Variants in FRYL observed in about 807,000 individuals in gnomAD.
The protein encoded by FRYL is FRY like transcription coactivator.
FRYL carries 150 observed loss-of-function variants against 351.2 expected under a neutral mutation model. The ratio of observed to expected loss-of-function variants is 0.43; its 90% confidence interval spans 0.37 to 0.49. FRYL has a LOEUF of 0.49. FRYL is among the 20% of genes least tolerant of loss of function. FRYL has a pLI of 0.00. For missense variants in FRYL, 3,036 were observed against 3,619.3 expected, an observed-to-expected ratio of 0.84 and a Z score of 4.13; for synonymous variants, 1,153 against 1,257.1, an observed-to-expected ratio of 0.92 and a Z score of 1.75.
At chr4:48,547,795 A>G (rs1253792485) in intron 40 of FRYL, 26 bp from the exon 41 acceptor site, 1 of 1,356,942 alleles carries the variant, frequency 7.4e-7, no homozygotes, top group Non-Finnish European at 9.7e-7. Context: ...GAGAAACATT[A>G]TCAATAAAGA....
intron 3 of FRYL, among the ~76,000 whole-genome samples, chr4:48,640,234 T>G (rs1335230448): frequency 6.6e-6 from 1 of 152,202 alleles, no homozygotes; most frequent in Non-Finnish European, 1.5e-5. Flanking sequence ...TATTCATAAT[T>G]GTTAAAACTT....
chr4:48,774,008 T>TA (rs1254781000), intron 1 of FRYL, among the ~76,000 whole-genome samples: 1 of 152,218 alleles, frequency 6.6e-6, no homozygotes, highest in Non-Finnish European at 1.5e-5. Context: ...TTACAGTACT[T>TA]ACACACATTG....
chr4:48,710,301 G>A (rs1245246422), intron 2 of FRYL, among the ~76,000 whole-genome samples: 4 of 152,166 alleles, frequency 2.6e-5, no homozygotes, highest in East Asian at 1.9e-4. Context: ...CACATAAAGT[G>A]CACAGGCATA....
intron 22 of FRYL, among the ~76,000 whole-genome samples, chr4:48,579,789 T>C (rs1176558017): frequency 2.0e-5 from 3 of 152,194 alleles, no homozygotes; most frequent in African/African-American, 7.2e-5. Flanking sequence ...GAATAATTCA[T>C]AATTTATGGT....
chr4:48,581,741 T>C (rs1278105570), intron 20 of FRYL, 136 bp from the exon 21 acceptor site: 4 of 655,390 alleles, frequency 6.1e-6, no homozygotes, highest in Non-Finnish European at 1.0e-5. Context: ...GTAAATCGCA[T>C]GTATTTTATA....
chr4:48,593,654 G>A (rs942877324), intron 16 of FRYL, among the ~76,000 whole-genome samples: 24 of 152,108 alleles, frequency 1.6e-4, no homozygotes, highest in Non-Finnish European at 2.8e-4. Flanking sequence ...ATGAGCCACC[G>A]TGCCCGGCCT....
intron 4 of FRYL, among the ~76,000 whole-genome samples, chr4:48,632,477 A>T (rs1753421763): frequency 6.6e-6 from 1 of 150,680 alleles, no homozygotes; most frequent in African/African-American, 2.4e-5. Context: ...TCTATAATCA[A>T]ATCTTATAAT....
rs375943517 is a variant in FRYL at position 48,576,050 on chromosome 4, C to T, written c.2701G>A (p.Gly901Ser). 3.5e-5 allele frequency: 56 copies of T among 1,609,092 alleles called. No homozygotes were observed. The highest frequency in any genetic ancestry group is 1.7e-4 in the Middle Eastern group (1 of 6,046). The change falls in exon 24 of 64, where the codon GGC (glycine) becomes AGC (serine). Residue 901 changes from glycine to serine, a missense_variant. Physicochemically the swap from Gly to Ser is moderately conservative, Grantham distance 56 (BLOSUM62 0). Transcript: ENST00000358350. The stretch of plus-strand genomic sequence containing the variant: ...CTTACTTTAGAATCAATGCTATAGC[C>T]GCTATCTGGGGTAGACGCCAGCGTC... Reference protein sequence around the residue: ...PETLASTPDSGYSIDSKIIGI... With the variant: ...PETLASTPDSSYSIDSKIIGI...
chr4:48,671,288 T>G (rs1183596209), intron 3 of FRYL, among the ~76,000 whole-genome samples: 2 of 152,200 alleles, frequency 1.3e-5, no homozygotes, highest in Admixed American at 1.3e-4. Context: ...ATAGTACTGT[T>G]GCACGAACTT....
chr4:48,528,157 T>G lies in FRYL; in HGVS notation c.7065+18A>C. 1 of 1,607,138 alleles carries G rather than the reference T, an allele frequency of 6.2e-7. No individual in the cohort carries two copies. Among genetic ancestry groups the G allele is most frequent in the Non-Finnish European group, 8.5e-7 (1 of 1,175,698 alleles). On this transcript the variant is annotated intron_variant, in intron 51 of 63. Coordinates refer to ENST00000358350, the MANE Select transcript of FRYL (RefSeq NM_015030.2). Reference sequence around the variant, plus strand: ...TCTTCTGTTCTATGAATGTTCCATTTTGATATTCTTTATGTACCTGTGATA... The same window carrying G: ...TCTTCTGTTCTATGAATGTTCCATTGTGATATTCTTTATGTACCTGTGATA...
Position 48,620,660 on chromosome 4 carries a change from C to T in FRYL, c.293G>A (p.Arg98Gln), listed in dbSNP as rs578019064. ...TTACCCCTTAGACTTTGTGCTAGAC[C>T]GAGGCCTATATTCATAAGATTCATC... ...TEDESYEYRP[R>Q]SSTKSKGDEQ... is the part of the protein sequence containing the mutation. Residue 98 changes from arginine (R) to glutamine (Q), a missense_variant, in exon 6 of 64, where the codon CGG (arginine) becomes CAG (glutamine). Coordinates refer to ENST00000358350, the MANE Select transcript of FRYL (RefSeq NM_015030.2). 2.0e-5 allele frequency: 33 copies of T among 1,613,496 alleles called. No homozygotes were observed. Among genetic ancestry groups the T allele is most frequent in the South Asian group, 8.8e-5 (8 of 91,030 alleles).
At chr4:48,638,411 C>T (rs1250636907) in intron 3 of FRYL, 1 of 151,968 alleles carries the variant, frequency 6.6e-6, no homozygotes, top group Non-Finnish European at 1.5e-5. Context: ...AATGAGATAC[C>T]ATCTCACGCC....
rs201225254 is a variant in FRYL at position 48,656,022 on chromosome 4, AAATATAATGTATGTAT to A, written c.-80-21548_-80-21533del. Among the ~76,000 whole-genome samples the A allele has an allele frequency of 6.4e-3, 885 of 137,916 alleles. 12 individuals are homozygous for A. Among genetic ancestry groups the A allele is most frequent in the African/African-American group, 0.022 (857 of 38,172 alleles). The allele number at this position is 137,916 out of a possible 152,430, so 90.5% of individuals were successfully genotyped here. ...TATATAATGTAAAATATATAATGTA[AAATATAATGTATGTAT>A]AATATGTAATGTACATATAATTATA... On this transcript the variant is annotated intron_variant, in intron 3 of 63. Coordinates refer to ENST00000358350, the MANE Select transcript of FRYL (RefSeq NM_015030.2).
chr4:48,642,508 C>T (rs1400329020), intron 3 of FRYL, among the ~76,000 whole-genome samples: 2 of 152,030 alleles, frequency 1.3e-5, no homozygotes, highest in African/African-American at 2.4e-5. Context: ...GGTTCCATTT[C>T]GATGGACAGA....
At chr4:48,752,972 C>T (rs769899581) in intron 1 of FRYL, among the ~76,000 whole-genome samples, 5 of 151,930 alleles carry the variant, frequency 3.3e-5, no homozygotes, top group Non-Finnish European at 7.4e-5. Context: ...CAGCCAAAAA[C>T]AACTGAAATG....
intron 3 of FRYL, among the ~76,000 whole-genome samples, chr4:48,673,042 G>C (rs965899175): frequency 6.6e-6 from 1 of 152,210 alleles, no homozygotes; most frequent in Non-Finnish European, 1.5e-5. Context: ...GTCCCTGCTA[G>C]TGAGCTGTGC....
At chr4:48,511,224 C>T (rs1722404233) in intron 57 of FRYL, among the ~76,000 whole-genome samples, 1 of 152,016 alleles carries the variant, frequency 6.6e-6, no homozygotes, top group South Asian at 2.1e-4. Context: ...CATTCATCTC[C>T]CTATTCCTGA....
At chr4:48,555,864 A>G (rs1733994783) in intron 35 of FRYL, among the ~76,000 whole-genome samples, 1 of 152,162 alleles carries the variant, frequency 6.6e-6, no homozygotes, top group Non-Finnish European at 1.5e-5. Flanking sequence ...TTTGTTTAAA[A>G]TAGAATCTGT....
At chr4:48,760,540 T>C (rs1417801881) in intron 1 of FRYL, among the ~76,000 whole-genome samples, 2 of 152,236 alleles carry the variant, frequency 1.3e-5, no homozygotes, top group African/African-American at 4.8e-5. Flanking sequence ...TTTGTTTGTT[T>C]GTTTTGTTTT....
Sources: allele counts gnomAD v4.1 joint callset (sites outside exome capture counted in the v4.1 genomes callset), GRCh38; gene constraint gnomAD v4.1.1; transcripts MANE v1.5; gene names NCBI Gene and HGNC (gene_info 2026-07-23, HGNC 2026-07-21).